The following ZNF420 variants were observed in gnomAD, a reference collection of about 807,000 sequenced individuals.
ZNF420 encodes the protein ATM and p53-associated KZNF protein.
In ZNF420, 31 loss-of-function variants were observed where a neutral mutation model predicts 44.7. The observed-to-expected ratio is 0.69, with a 90% CI of 0.52 to 0.94. ZNF420 has a LOEUF of 0.94. ZNF420 is among the 40% of genes least tolerant of loss of function. ZNF420 has a pLI of 0.00. For synonymous variants in ZNF420, 245 were observed against 267.4 expected (o/e 0.92, Z 0.82); for missense variants, 681 against 827.9 (o/e 0.82, Z 2.18).
intron 1 of ZNF420, among the ~76,000 whole-genome samples, chr19:37,026,447 G>A (rs1967162342): frequency 1.3e-5 from 2 of 152,016 alleles, no homozygotes; most frequent in African/African-American, 4.8e-5. Context: ...AACTTCCCAA[G>A]TAGCTGGGAT....
At chr19:37,041,948 C>G (rs1395265341) in intron 1 of ZNF420, among the ~76,000 whole-genome samples, 1 of 152,128 alleles carries the variant, frequency 6.6e-6, no homozygotes, top group East Asian at 1.9e-4. Context: ...CCAGGTAACT[C>G]AAGACTTTGT....
intron 1 of ZNF420, among the ~76,000 whole-genome samples, chr19:37,017,667 C>T (rs538080156): frequency 3.3e-5 from 5 of 152,204 alleles, no homozygotes; most frequent in South Asian, 2.1e-4. Context: ...AAGGAAACTA[C>T]GTCAACATAA....
At chr19:37,058,738 C>T (rs1967805815) in intron 1 of ZNF420, among the ~76,000 whole-genome samples, 5 of 152,116 alleles carry the variant, frequency 3.3e-5, no homozygotes, top group African/African-American at 1.2e-4. Flanking sequence ...TTGTTCGTCT[C>T]GCAATCACCC....
intron 1 of ZNF420, among the ~76,000 whole-genome samples, chr19:37,020,940 T>A (rs1053412969): frequency 7.9e-5 from 12 of 152,040 alleles, no homozygotes; most frequent in African/African-American, 1.4e-4. Context: ...AAATGAAGAG[T>A]TCTGGAAATA....
chr19:37,013,620 C>T (rs2074588348), intron 1 of ZNF420, among the ~76,000 whole-genome samples: 1 of 152,190 alleles, frequency 6.6e-6, no homozygotes, highest in Admixed American at 6.5e-5. Flanking sequence ...TTGGATCCCA[C>T]CCATTGAGCA....
At chr19:37,068,503 G>A (rs1384703227) in intron 1 of ZNF420, among the ~76,000 whole-genome samples, 1 of 152,120 alleles carries the variant, frequency 6.6e-6, no homozygotes, top group African/African-American at 2.4e-5. Flanking sequence ...AGCTAGGCGT[G>A]ATGGTGGACT....
intron 4 of ZNF420, among the ~76,000 whole-genome samples, chr19:37,110,536 A>C (rs1970333375): frequency 6.6e-6 from 1 of 152,148 alleles, no homozygotes; most frequent in South Asian, 2.1e-4. Flanking sequence ...TAAAATGGGA[A>C]ATTTCTTTTT....
intron 1 of ZNF420, among the ~76,000 whole-genome samples, chr19:37,019,127 G>A (rs1326677217): frequency 6.6e-6 from 1 of 152,128 alleles, no homozygotes; most frequent in East Asian, 1.9e-4. Context: ...CCTGATAAGG[G>A]ATTAAGATGC....
chr19:37,036,989 C>T (rs1256092539), intron 1 of ZNF420, among the ~76,000 whole-genome samples: 5 of 152,222 alleles, frequency 3.3e-5, no homozygotes, highest in African/African-American at 4.8e-5. Flanking sequence ...AGCCAATCCT[C>T]AGCCCCAGGC....
chr19:37,117,121 C>T (rs562851729), intron 4 of ZNF420, among the ~76,000 whole-genome samples: 8 of 152,272 alleles, frequency 5.3e-5, no homozygotes, highest in Non-Finnish European at 7.3e-5. Context: ...TCTCCCAGCA[C>T]GCAGCTGGAG....
chr19:37,125,333 G>C (rs1197084949), intron 4 of ZNF420, among the ~76,000 whole-genome samples: 1 of 151,778 alleles, frequency 6.6e-6, no homozygotes, highest in African/African-American at 2.4e-5. Context: ...GTGAAGTAAG[G>C]ATAAGTAAAA....
upstream of ZNF420, chr19:37,075,031 A>C (rs527856895): frequency 1.3e-4 from 20 of 152,362 alleles, no homozygotes; most frequent in African/African-American, 4.3e-4. Context: ...TGTTGGAAGA[A>C]GTTCAAAATC....
chr19:37,042,481 C>T (rs918008452), intron 1 of ZNF420, among the ~76,000 whole-genome samples: 1 of 152,198 alleles, frequency 6.6e-6, no homozygotes, highest in Non-Finnish European at 1.5e-5. Flanking sequence ...TGTAAGTAAA[C>T]CACTATAAAG....
intron 4 of ZNF420, among the ~76,000 whole-genome samples, chr19:37,111,061 A>G (rs908949993): frequency 6.6e-6 from 1 of 152,202 alleles, no homozygotes; most frequent in Non-Finnish European, 1.5e-5. Flanking sequence ...TGACCAATTA[A>G]TGTAGCTATT....
At chr19:37,066,509 C>T (rs1967969812) in intron 1 of ZNF420, among the ~76,000 whole-genome samples, 1 of 151,674 alleles carries the variant, frequency 6.6e-6, no homozygotes, top group South Asian at 2.1e-4. Flanking sequence ...AAAATTTTGA[C>T]CAGATACTTC....
In ZNF420 at chr19:37,059,056, C is replaced by A. The variant is rs1435764225; in HGVS notation, c.-124-21289C>A. Among the ~76,000 whole-genome samples, 4 of 152,180 alleles carry A rather than the reference C, an allele frequency of 2.6e-5. No individual in the cohort carries two copies. The East Asian group carries it at 5.8e-4, about 22-fold the overall frequency. On this transcript the variant is annotated intron_variant, in intron 1 of 4. Transcript: ENST00000587029. ...CTCACCACATGCCTCCCGCCTGAGC[C>A]CATCCCTGCTCACCCAGTGGGATCC... is the stretch of plus-strand genomic sequence containing the variant.
chr19:37,105,628 G>A (rs374119532), intron 4 of ZNF420, among the ~76,000 whole-genome samples: 2 of 152,148 alleles, frequency 1.3e-5, no homozygotes, highest in African/African-American at 4.8e-5. Context: ...CATTGATTCA[G>A]TATGGCCATT....
intron 1 of ZNF420, among the ~76,000 whole-genome samples, chr19:37,013,988 A>G (rs987440419): frequency 6.6e-6 from 1 of 152,088 alleles, no homozygotes; most frequent in South Asian, 2.1e-4. Context: ...TCAGGGGGCT[A>G]TGGGGACCTT....
chr19:37,060,791 C>T (rs548034846), intron 1 of ZNF420, among the ~76,000 whole-genome samples: 1 of 152,186 alleles, frequency 6.6e-6, no homozygotes, highest in South Asian at 2.1e-4. Context: ...TTTCTCTGCA[C>T]TTCCTGTCTC....
Sources: gnomAD v4.1 joint callset for allele counts (sites outside exome capture counted in the v4.1 genomes callset) on GRCh38, gnomAD v4.1.1 for gene constraint, MANE v1.5 for transcripts, NCBI Gene and HGNC (gene_info 2026-07-23, HGNC 2026-07-21) for gene names.